MTRF1: variants seen among roughly 807,000 people sequenced by gnomAD.
MTRF1 encodes peptide chain release factor 1, mitochondrial.
Under a neutral mutation model 62.9 loss-of-function variants are expected in MTRF1, and 51 were observed. The observed-to-expected ratio is 0.81, with a 90% confidence interval of 0.65 to 1.02. The LOEUF (loss-of-function observed/expected upper bound fraction) is 1.02. MTRF1 is among the 50% of genes least tolerant of loss of function. MTRF1 has a pLI of 0.00. For missense variants in MTRF1, 446 were observed against 530.0 expected, an observed-to-expected ratio of 0.84 and a Z score of 1.56; for synonymous variants, 158 against 181.9, an observed-to-expected ratio of 0.87 and a Z score of 1.06.
intron 5 of MTRF1, among the ~76,000 whole-genome samples, chr13:41,241,891 C>A (rs560666278): frequency 3.9e-5 from 6 of 152,222 alleles, no homozygotes; most frequent in Non-Finnish European, 8.8e-5. Context: ...TATACGGTGT[C>A]TGGATGTCTC....
At chr13:41,279,464 T>C in the MTRF1 span, among the ~76,000 whole-genome samples, 1 of 152,170 alleles carries the variant, frequency 6.6e-6, no homozygotes, top group Admixed American at 6.5e-5. Flanking sequence ...CAATTGCCAA[T>C]CAGAAAATAT....
intron 2 of MTRF1, among the ~76,000 whole-genome samples, chr13:41,255,693 A>T (rs2039618686): frequency 3.3e-5 from 5 of 152,194 alleles, no homozygotes. Context: ...CTCTGTCTTT[A>T]AAAAAATAAA....
chr13:41,247,077 G>A (rs1189701602), intron 5 of MTRF1, among the ~76,000 whole-genome samples: 1 of 152,254 alleles, frequency 6.6e-6, no homozygotes, highest in Non-Finnish European at 1.5e-5. Context: ...ACACAGCCTT[G>A]AAATTCAATC....
intron 9 of MTRF1, among the ~76,000 whole-genome samples, chr13:41,221,156 C>CTT (rs373390151): frequency 1.4e-4 from 20 of 140,760 alleles, no homozygotes; most frequent in South Asian, 2.3e-4. Context: ...GTTATTCACT[C>CTT]TTTTTTTTTT....
intron 5 of MTRF1, among the ~76,000 whole-genome samples, chr13:41,252,034 C>T (rs946280364): frequency 1.3e-5 from 2 of 152,130 alleles, no homozygotes; most frequent in Admixed American, 1.3e-4. Context: ...CACGTGCCAC[C>T]ATGCCCAGTT....
chr13:41,253,342 T>C (rs572603727), intron 3 of MTRF1, among the ~76,000 whole-genome samples: 1 of 152,346 alleles, frequency 6.6e-6, no homozygotes, highest in African/African-American at 2.4e-5. Flanking sequence ...ATTTTGGCGC[T>C]TATAATTAGT....
At chr13:41,286,288 G>A in the MTRF1 span, among the ~76,000 whole-genome samples, 2 of 152,106 alleles carry the variant, frequency 1.3e-5, no homozygotes, top group East Asian at 3.8e-4. Flanking sequence ...TACATAAAAG[G>A]ATCTTTTCAG....
At chr13:41,286,085 C>CAAA in the MTRF1 span, among the ~76,000 whole-genome samples, 391 of 41,596 alleles carry the variant, frequency 9.4e-3, 1 homozygote, top group African/African-American at 0.015. Context: ...ACAACAACAA[C>CAAA]AACAAAAAAA....
chr13:41,284,794 C>T, the MTRF1 span, among the ~76,000 whole-genome samples: 1 of 152,112 alleles, frequency 6.6e-6, no homozygotes, highest in African/African-American at 2.4e-5. Context: ...GCTGGGATTG[C>T]TGGCACCCGC....
chr13:41,294,856 G>C, the MTRF1 span, among the ~76,000 whole-genome samples: 18 of 152,302 alleles, frequency 1.2e-4, no homozygotes, highest in African/African-American at 4.3e-4. Flanking sequence ...TCTAAAGATT[G>C]AGCTTTGATA....
chr13:41,298,598 GCTTTA>G, the MTRF1 span, among the ~76,000 whole-genome samples: 1 of 152,190 alleles, frequency 6.6e-6, no homozygotes, highest in South Asian at 2.1e-4. Context: ...CTAATCTTTG[GCTTTA>G]CTTTCTGACA....
chr13:41,283,653 G>T, the MTRF1 span, among the ~76,000 whole-genome samples: 3 of 143,104 alleles, frequency 2.1e-5, no homozygotes, highest in East Asian at 6.2e-4. Flanking sequence ...GCAGTGGCGC[G>T]ATCTCGGCTC....
At chr13:41,225,452 C>T (rs892813454) in intron 8 of MTRF1, among the ~76,000 whole-genome samples, 1 of 152,128 alleles carries the variant, frequency 6.6e-6, no homozygotes, top group Non-Finnish European at 1.5e-5. Context: ...TGATGCACTA[C>T]AATCTGGGAT....
chr13:41,228,445 AGTCCCAGCTACTCAGGGGGCTGAGGTAGG>A (rs747904386), intron 7 of MTRF1, among the ~76,000 whole-genome samples: 7 of 152,166 alleles, frequency 4.6e-5, no homozygotes, highest in Non-Finnish European at 5.9e-5. Flanking sequence ...CTGCACCTAT[AGTCCCAGCTACTCAGGGGGCTGAGGTAGG>A]AGGATGACTT....
At chr13:41,220,483 C>T (rs1005395810) in intron 9 of MTRF1, 15 of 817,514 alleles carry the variant, frequency 1.8e-5, no homozygotes, top group Non-Finnish European at 2.3e-5. Flanking sequence ...TGAAACAATA[C>T]ATTATATGGT....
intron 5 of MTRF1, 142 bp downstream of exon 5, chr13:41,252,503 G>T: frequency 1.8e-6 from 1 of 545,586 alleles, no homozygotes; most frequent in Non-Finnish European, 3.2e-6. Flanking sequence ...GTAAGCCACT[G>T]TGATTGATGA....
chr13:41,219,307 AT>A (rs1450272545), intron 9 of MTRF1, among the ~76,000 whole-genome samples: 17 of 143,680 alleles, frequency 1.2e-4, no homozygotes, highest in Admixed American at 3.5e-4. Context: ...AAAAAAAAAA[AT>A]GTACCTGGTA....
intron 9 of MTRF1, among the ~76,000 whole-genome samples, chr13:41,222,912 C>A (rs1203119654): frequency 1.3e-5 from 2 of 152,162 alleles, no homozygotes; most frequent in African/African-American, 4.8e-5. Flanking sequence ...ATACTTTAAT[C>A]ATGGGTACTG....
At chr13:41,289,742 G>A in the MTRF1 span, among the ~76,000 whole-genome samples, 1 of 152,146 alleles carries the variant, frequency 6.6e-6, no homozygotes, top group East Asian at 1.9e-4. Flanking sequence ...AAATCAAAGA[G>A]ATCCACTGAA....
Sources: gnomAD v4.1 joint callset for allele counts (sites outside exome capture counted in the v4.1 genomes callset) on GRCh38, gnomAD v4.1.1 for gene constraint, MANE v1.5 for transcripts, NCBI Gene and HGNC (gene_info 2026-07-23, HGNC 2026-07-21) for gene names.